Variants in KCNT1 observed in about 807,000 individuals in gnomAD.
KCNT1 encodes the protein potassium channel subfamily T member 1.
KCNT1 carries 78 observed loss-of-function variants against 147.8 expected under a neutral mutation model. The ratio of observed to expected loss-of-function variants is 0.53; its 90% confidence interval spans 0.44 to 0.64. The LOEUF (loss-of-function observed/expected upper bound fraction) is 0.64, where lower values mean the gene tolerates loss of function less well. KCNT1 is among the 30% of genes least tolerant of loss of function. The pLI is 0.00. For missense variants in KCNT1, 1,419 were observed against 1,750.3 expected (o/e 0.81, Z 3.38); for synonymous variants, 867 against 748.8 (o/e 1.16, Z -2.58).
chr9:135,711,606 G>A (rs1835491062), intron 1 of KCNT1, among the ~76,000 whole-genome samples: 1 of 152,244 alleles, frequency 6.6e-6, no homozygotes, highest in African/African-American at 2.4e-5. Flanking sequence ...CCCTCTGATG[G>A]GGTTGTCAGG....
Position 135,791,777 on chromosome 9 carries a change from C to CCCGG in KCNT1, c.3503-18_3503-15dup. The CCCGG allele has an allele frequency of 1.2e-6, 2 of 1,611,638 alleles. No homozygotes were observed. Among genetic ancestry groups the CCCGG allele is most frequent in the Non-Finnish European group, 1.7e-6 (2 of 1,178,208 alleles). ...GGCAGGGCTGGGGGGGTGACGTCTG[C>CCCGG]CCGGCTGTGTCCTTTGCAGACGAGA... On this transcript the variant is annotated intron_variant, in intron 29 of 30. Transcript: ENST00000371757.
intron 2 of KCNT1, among the ~76,000 whole-genome samples, chr9:135,743,138 G>T (rs1830649043): frequency 6.6e-6 from 1 of 152,052 alleles, no homozygotes; most frequent in South Asian, 2.1e-4. Flanking sequence ...GCAGGCAGCT[G>T]CTGGGGCCTG....
intron 2 of KCNT1, among the ~76,000 whole-genome samples, chr9:135,718,292 G>A (rs927088619): frequency 1.1e-4 from 16 of 152,238 alleles, no homozygotes; most frequent in African/African-American, 2.4e-4. Flanking sequence ...GTGGGAGGAC[G>A]TGCTTATCTG....
At chr9:135,785,473 T>G (rs1833971153) in intron 28 of KCNT1, 143 bp downstream of exon 28, 1 of 1,027,684 alleles carries the variant, frequency 9.7e-7, no homozygotes, top group African/African-American at 1.8e-5. Context: ...CCCACGGATG[T>G]GTCGGCCCCA....
rs1268306218 is a variant in KCNT1 at position 135,777,479 on chromosome 9, C to A, written c.2491C>A (p.Leu831Met). The change falls in exon 21 of 31, where the codon CTG becomes ATG. Residue 831 changes from leucine to methionine, a missense_variant. Coordinates refer to ENST00000371757, the MANE Select transcript of KCNT1 (RefSeq NM_020822.3). ...LRAYYRSRKE[L>M]NPIVLLLDNK... ...GGCCTACTACAGATCCCGCAAGGAG[C>A]TGAACCCCATCGTGCTGCTGCTGGA... 1.2e-6 allele frequency: 2 copies of A among 1,613,884 alleles called. No homozygotes were observed. Among genetic ancestry groups the A allele is most frequent in the Non-Finnish European group, 1.7e-6 (2 of 1,179,960 alleles).
At position 135,792,047 on chromosome 9, in the gene KCNT1, C is replaced by T. The variant is rs539518204; in HGVS notation, c.3594C>T (p.Leu1198=). 3 of 1,604,194 alleles carry T rather than the reference C, an allele frequency of 1.9e-6. No individual in the cohort carries two copies. Among genetic ancestry groups the T allele is most frequent in the South Asian group, 1.1e-5 (1 of 91,002 alleles). ...TRLEPSDIVY[L]IRSDPLAHVA... Reference sequence around the variant, plus strand: ...CCTCTGTGCCCTCCCGCAGCTATCTCATCCGCTCCGACCCCCTGGCTCACG... The same window carrying T: ...CCTCTGTGCCCTCCCGCAGCTATCTTATCCGCTCCGACCCCCTGGCTCACG... Residue 1198 remains leucine (L), a synonymous_variant, in exon 31 of 31, where the codon CTC becomes CTT. Coordinates refer to ENST00000371757, the MANE Select transcript of KCNT1 (RefSeq NM_020822.3).
chr9:135,776,707 GGCC>G (rs1833195400), intron 20 of KCNT1, among the ~76,000 whole-genome samples: 1 of 152,222 alleles, frequency 6.6e-6, no homozygotes, highest in African/African-American at 2.4e-5. Flanking sequence ...TATAATCTGT[GGCC>G]GGTCATTGCA....
intron 2 of KCNT1, among the ~76,000 whole-genome samples, chr9:135,732,265 C>T (rs1352717836): frequency 3.3e-5 from 5 of 151,752 alleles, no homozygotes; most frequent in African/African-American, 7.3e-5. Context: ...GTGATCTGCC[C>T]GCCTCAGCCT....
chr9:135,741,236 C>G (rs979124412), intron 2 of KCNT1, among the ~76,000 whole-genome samples: 1 of 152,224 alleles, frequency 6.6e-6, no homozygotes, highest in Non-Finnish European at 1.5e-5. Flanking sequence ...AGTAGACACT[C>G]AGCTAGGGCT....
At chr9:135,720,139 G>A (rs1376311355) in intron 2 of KCNT1, among the ~76,000 whole-genome samples, 1 of 152,044 alleles carries the variant, frequency 6.6e-6, no homozygotes, top group Non-Finnish European at 1.5e-5. Context: ...GGTGCAGAAG[G>A]AGGGGGCAGC....
At chr9:135,776,706 T>A (rs1833195266) in intron 20 of KCNT1, among the ~76,000 whole-genome samples, 1 of 152,242 alleles carries the variant, frequency 6.6e-6, no homozygotes, top group Non-Finnish European at 1.5e-5. Flanking sequence ...TTATAATCTG[T>A]GGCCGGTCAT....
chr9:135,785,925 C>T (rs1025294795), intron 28 of KCNT1: 9 of 545,022 alleles, frequency 1.7e-5, no homozygotes, highest in African/African-American at 3.9e-5. Context: ...GGGAGCTGCC[C>T]TCAGCAGCCT....
chr9:135,788,051 T>C (rs1358383720), intron 29 of KCNT1: 4 of 1,345,016 alleles, frequency 3.0e-6, no homozygotes, highest in African/African-American at 1.4e-5. Flanking sequence ...CTTGCTGATA[T>C]TCTCTCTCTC....
At chr9:135,742,895 C>T in intron 2 of KCNT1, 7 of 703,752 alleles carry the variant, frequency 9.9e-6, no homozygotes, top group East Asian at 2.7e-5. Context: ...TCTGGGGGGT[C>T]CCCTCAACCC....
chr9:135,758,183 GCAGGC>G (rs1564353619), intron 9 of KCNT1, among the ~76,000 whole-genome samples: 29 of 72,298 alleles, frequency 4.0e-4, no homozygotes, highest in South Asian at 1.2e-3. Context: ...GTGGCCAGGT[GCAGGC>G]TGCCCCGTGG....
chr9:135,768,733 G>A (rs920935408), intron 14 of KCNT1, 60 bp downstream of exon 14: 7 of 1,533,306 alleles, frequency 4.6e-6, no homozygotes, highest in African/African-American at 2.7e-5. Context: ...GGGAGCGGGG[G>A]TCCCTGAGGG....
intron 22 of KCNT1, 79 bp downstream of exon 22, chr9:135,778,574 G>A (rs902835770): frequency 3.9e-5 from 63 of 1,599,196 alleles, no homozygotes; most frequent in Non-Finnish European, 4.8e-5. Context: ...GGGTGACCCC[G>A]ACCGCAGGTG....
chr9:135,706,875 G>A (rs1446315722), intron 1 of KCNT1, among the ~76,000 whole-genome samples: 3 of 152,132 alleles, frequency 2.0e-5, no homozygotes, highest in Non-Finnish European at 2.9e-5. Context: ...GGCAGCTCAG[G>A]GTACGGGCCC....
At chr9:135,763,766 G>A (rs1588339734) in intron 11 of KCNT1, among the ~76,000 whole-genome samples, 1 of 152,312 alleles carries the variant, frequency 6.6e-6, no homozygotes, top group Non-Finnish European at 1.5e-5. Flanking sequence ...CAGATCACAT[G>A]GCGAGGTTCT....
Sources: gnomAD v4.1 joint callset for allele counts (sites outside exome capture counted in the v4.1 genomes callset) on GRCh38, gnomAD v4.1.1 for gene constraint, MANE v1.5 for transcripts, NCBI Gene and HGNC (gene_info 2026-07-23, HGNC 2026-07-21) for gene names.